The following ASH1L variants were observed in gnomAD, a reference collection of about 807,000 sequenced individuals.
ASH1L encodes the protein histone-lysine N-methyltransferase ASH1L.
ASH1L carries 23 observed loss-of-function variants against 269.0 expected under a neutral mutation model. The ratio of observed to expected loss-of-function variants is 0.09; its 90% CI spans 0.06 to 0.12. The LOEUF (loss-of-function observed/expected upper bound fraction) is 0.12, where lower values mean the gene tolerates loss of function less well. Among genes scored for constraint, ASH1L ranks in the 10% least tolerant of loss-of-function variants. The pLI is 1.00. For missense variants in ASH1L, 2,912 were observed against 3,567.8 expected (o/e 0.82, Z 4.68); for synonymous variants, 1,187 against 1,253.5 (o/e 0.95, Z 1.12).
At chr1:155,553,653 A>G (rs369830741) in intron 1 of ASH1L, among the ~76,000 whole-genome samples, 2 of 152,062 alleles carry the variant, frequency 1.3e-5, no homozygotes, top group South Asian at 4.1e-4. Context: ...AGCCACCCTA[A>G]CCTTTCCTTT....
intron 1 of ASH1L, among the ~76,000 whole-genome samples, chr1:155,524,551 A>G (rs1669110114): frequency 6.7e-6 from 1 of 150,304 alleles, no homozygotes; most frequent in African/African-American, 2.4e-5. Context: ...GTACAAAGTT[A>G]GCTGTGCACA....
At chr1:155,363,393 G>A (rs1406049830) in intron 12 of ASH1L, among the ~76,000 whole-genome samples, 2 of 151,536 alleles carry the variant, frequency 1.3e-5, no homozygotes, top group Non-Finnish European at 2.9e-5. Flanking sequence ...CTCCCACCTC[G>A]CCACCACGAC....
chr1:155,548,300 T>TCA (rs1670967226), intron 1 of ASH1L, among the ~76,000 whole-genome samples: 1 of 152,012 alleles, frequency 6.6e-6, no homozygotes, highest in South Asian at 2.1e-4. Flanking sequence ...AGTGGGTGGA[T>TCA]CACATGAGGT....
At chr1:155,378,604 C>G in intron 8 of ASH1L, 56 bp from the exon 9 acceptor site, 1 of 1,350,408 alleles carries the variant, frequency 7.4e-7, no homozygotes, top group Non-Finnish European at 1.0e-6. Flanking sequence ...TGCCAGACGG[C>G]AGCATCAATC....
intron 3 of ASH1L, among the ~76,000 whole-genome samples, chr1:155,472,643 G>T (rs149639934): frequency 6.6e-6 from 1 of 152,264 alleles, no homozygotes; most frequent in East Asian, 1.9e-4. Flanking sequence ...GAGGACTGTG[G>T]CGAACAAAAG....
chr1:155,453,757 C>A (rs376189296), intron 4 of ASH1L, among the ~76,000 whole-genome samples: 1 of 152,090 alleles, frequency 6.6e-6, no homozygotes, highest in East Asian at 1.9e-4. Flanking sequence ...CGAGATTGCA[C>A]CATTGCACTC....
rs1028736266 is a variant in ASH1L at position 155,530,049 on chromosome 1, T to C, written c.-99-8431A>G. ...AAAATACTCTTTACCTTGGGACCTT[T>C]GCACTTACCATTCCGCTTGACAGAA... On this transcript the variant is annotated intron_variant, in intron 1 of 27. Transcript: ENST00000392403. Among the ~76,000 whole-genome samples, 5 of 152,124 alleles carry C rather than the reference T, an allele frequency of 3.3e-5. No homozygotes were observed. In the South Asian group the frequency reaches 8.3e-4, roughly 25 times the overall value.
At chr1:155,559,877 T>C (rs897618788) in intron 1 of ASH1L, among the ~76,000 whole-genome samples, 1 of 151,716 alleles carries the variant, frequency 6.6e-6, no homozygotes, top group African/African-American at 2.4e-5. Context: ...TCAGGCCCAA[T>C]CCAAAACTGA....
chr1:155,462,406 T>C (rs1664375146), intron 3 of ASH1L, among the ~76,000 whole-genome samples: 1 of 152,210 alleles, frequency 6.6e-6, no homozygotes, highest in Non-Finnish European at 1.5e-5. Flanking sequence ...AACTGTACCT[T>C]TGATAATCAG....
intron 6 of ASH1L, among the ~76,000 whole-genome samples, chr1:155,411,582 A>ATAT (rs1659775685): frequency 4.5e-4 from 22 of 48,400 alleles, no homozygotes; most frequent in African/African-American, 1.4e-3. Context: ...TAAATAAATA[A>ATAT]ATAAATATAT....
At position 155,438,318 on chromosome 1, in the gene ASH1L, A is replaced by G; in HGVS notation, c.5828+9T>C. 6.5e-7 allele frequency: 1 copy of G among 1,532,944 alleles called. No homozygotes were observed. The highest frequency in any genetic ancestry group is 8.7e-7 in the Non-Finnish European group (1 of 1,145,112). The allele number at this position is 1,532,944 out of a possible 1,614,324, so 95.0% of individuals were successfully genotyped here. A position where few individuals can be genotyped will look rare whatever the true frequency, so the allele number is the denominator to read the frequency against. On this transcript the variant is annotated intron_variant, in intron 5 of 27. Coordinates refer to ENST00000392403, the MANE Select transcript of ASH1L (RefSeq NM_018489.3). ...CTCTACTCAGATAATATGTTAAATGAGGAATTACCTTTTATTATTCTCTTG... is the reference window on the plus strand; with the variant it reads ...CTCTACTCAGATAATATGTTAAATGGGGAATTACCTTTTATTATTCTCTTG...
chr1:155,559,389 G>C (rs1285382412), intron 1 of ASH1L, among the ~76,000 whole-genome samples: 1 of 151,932 alleles, frequency 6.6e-6, no homozygotes, highest in Non-Finnish European at 1.5e-5. Flanking sequence ...TACAAAATTA[G>C]CAGGGCATGG....
At chr1:155,338,424 A>G in intron 26 of ASH1L, 34 bp from the exon 27 acceptor site, 2 of 1,587,366 alleles carry the variant, frequency 1.3e-6, no homozygotes, top group Non-Finnish European at 1.7e-6. Context: ...AGTGTAAGAC[A>G]CTTGAGGAGG....
At chr1:155,410,614 A>G (rs1659682358) in intron 6 of ASH1L, among the ~76,000 whole-genome samples, 1 of 152,150 alleles carries the variant, frequency 6.6e-6, no homozygotes, top group African/African-American at 2.4e-5. Context: ...TGCTGGGATT[A>G]CAGGCGTGAG....
chr1:155,505,728 A>C (rs2148805431), intron 2 of ASH1L, among the ~76,000 whole-genome samples: 1 of 152,300 alleles, frequency 6.6e-6, no homozygotes, highest in East Asian at 1.9e-4. Context: ...ACAGTATTTG[A>C]ATTATATCTC....
At chr1:155,359,888 CT>C (rs749553535) in intron 13 of ASH1L, among the ~76,000 whole-genome samples, 174 of 145,416 alleles carry the variant, frequency 1.2e-3, no homozygotes, top group Non-Finnish European at 1.2e-3. Flanking sequence ...CTCCCATATA[CT>C]TTTTTTTTTT....
At chr1:155,362,371 C>T (rs369184260) in intron 12 of ASH1L, among the ~76,000 whole-genome samples, 10 of 146,026 alleles carry the variant, frequency 6.8e-5, no homozygotes, top group African/African-American at 2.3e-4. Context: ...CTCGCCTGGG[C>T]AACATAGTGA....
At chr1:155,553,370 GT>G in intron 1 of ASH1L, among the ~76,000 whole-genome samples, 1 of 152,066 alleles carries the variant, frequency 6.6e-6, no homozygotes, top group Non-Finnish European at 1.5e-5. Flanking sequence ...TATAACAATA[GT>G]TTTTTGTCTA....
intron 7 of ASH1L, among the ~76,000 whole-genome samples, chr1:155,384,305 T>C (rs1442284433): frequency 6.6e-6 from 1 of 152,204 alleles, no homozygotes; most frequent in Non-Finnish European, 1.5e-5. Context: ...TCCTGACAGA[T>C]ATTTTCATTG....
Sources: gnomAD v4.1 joint callset for allele counts (sites outside exome capture counted in the v4.1 genomes callset) on GRCh38, gnomAD v4.1.1 for gene constraint, MANE v1.5 for transcripts, NCBI Gene and HGNC (gene_info 2026-07-23, HGNC 2026-07-21) for gene names.